The following THSD7B variants were observed in gnomAD, a reference collection of about 807,000 sequenced individuals.
The protein encoded by THSD7B is thrombospondin type-1 domain-containing protein 7B.
THSD7B carries 138 observed loss-of-function variants against 213.6 expected under a neutral mutation model. The observed-to-expected ratio is 0.65, with a 90% CI of 0.56 to 0.74. The LOEUF is 0.74. THSD7B is among the 30% of genes least tolerant of loss of function. The pLI is 0.00. For missense variants in THSD7B, 1,931 were observed against 1,991.5 expected (o/e 0.97, Z 0.58); for synonymous variants, 742 against 687.0 (o/e 1.08, Z -1.25).
At chr2:137,530,652 G>C (rs1358536025) in intron 15 of THSD7B, among the ~76,000 whole-genome samples, 1 of 151,954 alleles carries the variant, frequency 6.6e-6, no homozygotes, top group Non-Finnish European at 1.5e-5. Flanking sequence ...TGCTAAAGGG[G>C]CAGTGTTATG....
At chr2:136,879,961 T>C (rs935910936) in intron 1 of THSD7B, among the ~76,000 whole-genome samples, 3 of 152,162 alleles carry the variant, frequency 2.0e-5, no homozygotes, top group Non-Finnish European at 4.4e-5. Context: ...CCCAGATTCA[T>C]AAAGCAAGCC....
chr2:137,119,162 T>C (rs988991410), intron 5 of THSD7B, among the ~76,000 whole-genome samples: 1 of 152,196 alleles, frequency 6.6e-6, no homozygotes, highest in African/African-American at 2.4e-5. Context: ...ATTCTGACTT[T>C]GAAGGAAATG....
chr2:137,082,590 G>T (rs1388878958), intron 3 of THSD7B, among the ~76,000 whole-genome samples: 1 of 151,932 alleles, frequency 6.6e-6, no homozygotes, highest in East Asian at 1.9e-4. Context: ...TTTTAGTTTT[G>T]GCCATTCTAC....
chr2:137,480,339 C>T (rs1688279047), intron 15 of THSD7B, among the ~76,000 whole-genome samples: 1 of 152,082 alleles, frequency 6.6e-6, no homozygotes. Flanking sequence ...TATATGTTTT[C>T]ATCAGAATTT....
chr2:137,626,808 C>T (rs998725534), intron 20 of THSD7B, among the ~76,000 whole-genome samples: 5 of 152,176 alleles, frequency 3.3e-5, no homozygotes, highest in African/African-American at 1.2e-4. Context: ...GGGGCATGGC[C>T]ACAATGCAAC....
intron 21 of THSD7B, among the ~76,000 whole-genome samples, chr2:137,643,752 G>A (rs984334255): frequency 6.6e-6 from 1 of 152,154 alleles, no homozygotes; most frequent in Non-Finnish European, 1.5e-5. Flanking sequence ...GGGGAAGGGA[G>A]AGGAAAGTTG....
At chr2:136,883,862 A>G (rs1683668494) in intron 2 of THSD7B, among the ~76,000 whole-genome samples, 3 of 152,162 alleles carry the variant, frequency 2.0e-5, no homozygotes, top group Admixed American at 2.0e-4. Context: ...ATAAGTCACT[A>G]CTGTCACTTC....
intron 17 of THSD7B, among the ~76,000 whole-genome samples, chr2:137,584,634 A>G (rs1681673084): frequency 6.6e-6 from 1 of 152,154 alleles, no homozygotes; most frequent in African/African-American, 2.4e-5. Context: ...ATGCTGGATT[A>G]TGTTTATTGA....
At chr2:136,919,339 A>G (rs1327618505) in intron 2 of THSD7B, among the ~76,000 whole-genome samples, 1 of 152,196 alleles carries the variant, frequency 6.6e-6, no homozygotes, top group Non-Finnish European at 1.5e-5. Flanking sequence ...CAAGCAGGCA[A>G]TATTTTTGTA....
At chr2:136,885,538 A>G (rs1039632401) in intron 2 of THSD7B, among the ~76,000 whole-genome samples, 1 of 152,180 alleles carries the variant, frequency 6.6e-6, no homozygotes, top group African/African-American at 2.4e-5. Flanking sequence ...CACGTCAGCA[A>G]CAGTATCAGA....
At chr2:136,935,348 T>TTTAATCTG (rs932582419) in intron 2 of THSD7B, among the ~76,000 whole-genome samples, 2 of 152,128 alleles carry the variant, frequency 1.3e-5, no homozygotes, top group African/African-American at 2.4e-5. Context: ...CATGATGGGG[T>TTTAATCTG]CATTAAACCT....
intron 15 of THSD7B, among the ~76,000 whole-genome samples, chr2:137,473,301 G>C (rs1453323133): frequency 6.6e-6 from 1 of 151,722 alleles, no homozygotes; most frequent in Non-Finnish European, 1.5e-5. Context: ...CTCACTGCAG[G>C]CTCTGTCTTC....
At chr2:137,146,272 T>C (rs1049183355) in intron 5 of THSD7B, among the ~76,000 whole-genome samples, 7 of 152,050 alleles carry the variant, frequency 4.6e-5, no homozygotes, top group African/African-American at 1.7e-4. Flanking sequence ...CTACAGGCAA[T>C]ACACAGGTGC....
At chr2:137,621,116 T>G (rs911451354) in intron 20 of THSD7B, among the ~76,000 whole-genome samples, 1 of 152,094 alleles carries the variant, frequency 6.6e-6, no homozygotes, top group African/African-American at 2.4e-5. Context: ...GAGGCTTGCT[T>G]TTCACCCACA....
At chr2:137,517,736 G>GT (rs1177872794) in intron 15 of THSD7B, among the ~76,000 whole-genome samples, 1 of 152,180 alleles carries the variant, frequency 6.6e-6, no homozygotes, top group Non-Finnish European at 1.5e-5. Context: ...GGTGCTGGAG[G>GT]TATCAGTGGC....
At chr2:137,616,461 T>C (rs905424101) in intron 18 of THSD7B, 145 bp downstream of exon 18, 18 of 641,852 alleles carry the variant, frequency 2.8e-5, no homozygotes, top group Non-Finnish European at 4.4e-5. Context: ...TTCATGTTTC[T>C]AGTATCCCCT....
rs1293993999 is a variant in THSD7B, at chr2:137,201,956, G to A, written c.1724-29088G>A. On this transcript the variant is annotated intron_variant, in intron 7 of 27. Transcript: ENST00000409968. ...GCTCAAGGCTTTGCCCATTTTTTCT[G>A]ATGGTCTCTATGTCTTTTCCTTGTT... Among the ~76,000 whole-genome samples, 5 of 152,050 alleles carry A rather than the reference G, an allele frequency of 3.3e-5. 1 individual carries two copies. The South Asian group carries it at 1.0e-3, about 31-fold the overall frequency.
At chr2:137,249,680 A>T (rs562731291) in intron 10 of THSD7B, among the ~76,000 whole-genome samples, 1 of 152,324 alleles carries the variant, frequency 6.6e-6, no homozygotes, top group South Asian at 2.1e-4. Flanking sequence ...GCTCAGAAAG[A>T]TGAAGTAACT....
chr2:136,905,701 A>C (rs1573702297), intron 2 of THSD7B, among the ~76,000 whole-genome samples: 1 of 152,212 alleles, frequency 6.6e-6, no homozygotes, highest in South Asian at 2.1e-4. Flanking sequence ...GTTGTGGGCA[A>C]ATATGCCAAT....
Sources: gnomAD v4.1 joint callset for allele counts (sites outside exome capture counted in the v4.1 genomes callset) on GRCh38, gnomAD v4.1.1 for gene constraint, MANE v1.5 for transcripts, NCBI Gene and HGNC (gene_info 2026-07-23, HGNC 2026-07-21) for gene names.